NKAIN2: variants seen among roughly 807,000 people sequenced by gnomAD.
NKAIN2 encodes the protein sodium/potassium-transporting ATPase subunit beta-1-interacting protein 2.
Under a neutral mutation model 32.6 loss-of-function variants are expected in NKAIN2, and 14 were observed. The observed-to-expected ratio is 0.43, with a 90% CI of 0.28 to 0.67. NKAIN2 has a LOEUF of 0.67. Ranked by LOEUF, NKAIN2 falls within the 30% of genes least tolerant of loss-of-function variation. The pLI is 0.17. For missense variants in NKAIN2, 198 were observed against 258.3 expected (o/e 0.77, Z 1.60); for synonymous variants, 80 against 87.2 (o/e 0.92, Z 0.46).
chr6:123,822,609 T>A (rs1471988750), intron 1 of NKAIN2, among the ~76,000 whole-genome samples: 1 of 152,134 alleles, frequency 6.6e-6, no homozygotes, highest in Non-Finnish European at 1.5e-5. Flanking sequence ...ACTGGGTTTA[T>A]GAGAGACATG....
At chr6:124,147,144 TATG>T (rs1461525384) in intron 1 of NKAIN2, among the ~76,000 whole-genome samples, 1 of 152,170 alleles carries the variant, frequency 6.6e-6, no homozygotes, top group African/African-American at 2.4e-5. Context: ...CCTCCTTTAT[TATG>T]ATAACACATT....
intron 3 of NKAIN2, among the ~76,000 whole-genome samples, chr6:124,487,987 T>C (rs1256175837): frequency 2.0e-5 from 3 of 152,080 alleles, no homozygotes; most frequent in Non-Finnish European, 4.4e-5. Context: ...TTTGTTTACG[T>C]TCTTGGTGTT....
At chr6:124,562,648 A>C (rs1421640670) in intron 3 of NKAIN2, among the ~76,000 whole-genome samples, 1 of 152,182 alleles carries the variant, frequency 6.6e-6, no homozygotes, top group Non-Finnish European at 1.5e-5. Context: ...TAAACCTACT[A>C]CAAGTTACTG....
At chr6:124,465,968 G>GA (rs989343256) in intron 3 of NKAIN2, among the ~76,000 whole-genome samples, 1 of 151,742 alleles carries the variant, frequency 6.6e-6, no homozygotes, top group Non-Finnish European at 1.5e-5. Context: ...TCCACTTTAG[G>GA]AAAAAATATA....
At chr6:124,688,520 TGTTA>T (rs897710883) in intron 4 of NKAIN2, among the ~76,000 whole-genome samples, 4 of 152,136 alleles carry the variant, frequency 2.6e-5, no homozygotes, top group African/African-American at 9.7e-5. Context: ...TGTGGTTCAC[TGTTA>T]GTGTTGTACA....
At chr6:123,840,725 T>G (rs1435763241) in intron 1 of NKAIN2, among the ~76,000 whole-genome samples, 1 of 152,084 alleles carries the variant, frequency 6.6e-6, no homozygotes, top group African/African-American at 2.4e-5. Context: ...CTCTGGCTTT[T>G]GGGGATCAAA....
At chr6:124,534,326 T>A (rs1779635918) in intron 3 of NKAIN2, among the ~76,000 whole-genome samples, 1 of 152,114 alleles carries the variant, frequency 6.6e-6, no homozygotes. Flanking sequence ...AATTGTTGTA[T>A]TTTTAGTAGA....
chr6:124,516,308 G>A (rs551999631), intron 3 of NKAIN2, among the ~76,000 whole-genome samples: 3 of 152,148 alleles, frequency 2.0e-5, no homozygotes, highest in Admixed American at 2.0e-4. Flanking sequence ...AAGAGATGAG[G>A]TTATTTGAGG....
intron 1 of NKAIN2, among the ~76,000 whole-genome samples, chr6:124,197,321 C>T (rs1053129582): frequency 2.0e-5 from 3 of 151,816 alleles, no homozygotes; most frequent in Non-Finnish European, 4.4e-5. Flanking sequence ...GTTTTCCTCC[C>T]ACTTTCCACC....
chr6:124,699,696 C>T (rs1774677276), intron 4 of NKAIN2, among the ~76,000 whole-genome samples: 1 of 152,156 alleles, frequency 6.6e-6, no homozygotes, highest in Non-Finnish European at 1.5e-5. Context: ...TACAAGTTTC[C>T]TGAGGTCTCC....
intron 4 of NKAIN2, among the ~76,000 whole-genome samples, chr6:124,751,823 T>TAAATAAAA (rs1287011365): frequency 1.3e-5 from 2 of 149,454 alleles, no homozygotes; most frequent in Non-Finnish European, 3.0e-5. Context: ...AATAAATAAA[T>TAAATAAAA]AAATAAATAA....
At chr6:124,379,095 A>C in intron 3 of NKAIN2, among the ~76,000 whole-genome samples, 1 of 135,068 alleles carries the variant, frequency 7.4e-6, no homozygotes, top group Non-Finnish European at 1.6e-5. Context: ...TTGTCTCAAA[A>C]ATAAAGAAAG....
At chr6:124,487,887 A>T (rs780916569) in intron 3 of NKAIN2, among the ~76,000 whole-genome samples, 1 of 152,064 alleles carries the variant, frequency 6.6e-6, no homozygotes, top group Non-Finnish European at 1.5e-5. Context: ...TCTCTCCTTT[A>T]TACTTTGACA....
At chr6:124,662,678 G>T (rs367570435) in intron 4 of NKAIN2, among the ~76,000 whole-genome samples, 3 of 152,274 alleles carry the variant, frequency 2.0e-5, no homozygotes, top group East Asian at 3.9e-4. Context: ...TAGTGAAGAA[G>T]TTTTCCAAAC....
At chr6:124,695,909 G>A (rs1774475107) in intron 4 of NKAIN2, among the ~76,000 whole-genome samples, 1 of 152,222 alleles carries the variant, frequency 6.6e-6, no homozygotes, top group South Asian at 2.1e-4. Flanking sequence ...ATTTTATGTA[G>A]CATGATGGCA....
intron 2 of NKAIN2, among the ~76,000 whole-genome samples, chr6:124,292,265 AT>A (rs1795849438): frequency 6.6e-6 from 1 of 151,966 alleles, no homozygotes; most frequent in African/African-American, 2.4e-5. Context: ...GCAGTCCAGC[AT>A]TTTTTTGTCT....
At chr6:124,049,590 T>C (rs1016686906) in intron 1 of NKAIN2, among the ~76,000 whole-genome samples, 4 of 152,130 alleles carry the variant, frequency 2.6e-5, no homozygotes, top group African/African-American at 9.6e-5. Flanking sequence ...AACCACAGTC[T>C]GTAAATAGTA....
In NKAIN2 at chr6:123,812,636, C is replaced by A. The variant is rs552514923; in HGVS notation, c.54+8382C>A. ...CTTGGAGAGGGCATTTGCAGAAGCACTTTCGTTTTAAGGCAGTGGATGAGG... is the reference window on the plus strand; with the variant it reads ...CTTGGAGAGGGCATTTGCAGAAGCAATTTCGTTTTAAGGCAGTGGATGAGG... On this transcript the variant is annotated intron_variant, in intron 1 of 6. Coordinates refer to ENST00000368417, the MANE Select transcript of NKAIN2 (RefSeq NM_001040214.3). Among the ~76,000 whole-genome samples the A allele has an allele frequency of 2.6e-5, 4 of 152,304 alleles. No individual in the cohort carries two copies. In the East Asian group the frequency reaches 7.7e-4, roughly 29 times the overall value.
intron 2 of NKAIN2, among the ~76,000 whole-genome samples, chr6:124,321,712 CTAAGTGA>C (rs1797199806): frequency 6.6e-6 from 1 of 152,092 alleles, no homozygotes; most frequent in Non-Finnish European, 1.5e-5. Context: ...CTCTGGATGG[CTAAGTGA>C]TTCACAGGCT....
Sources: gnomAD v4.1 joint callset for allele counts (sites outside exome capture counted in the v4.1 genomes callset) on GRCh38, gnomAD v4.1.1 for gene constraint, MANE v1.5 for transcripts, NCBI Gene and HGNC (gene_info 2026-07-23, HGNC 2026-07-21) for gene names.